Variants in KLF8 observed in about 807,000 individuals in gnomAD.
The protein encoded by KLF8 is Krueppel-like factor 8.
In KLF8, 10 loss-of-function variants were observed where a neutral mutation model predicts 18.2. That is an observed-to-expected ratio of 0.55 (90% CI 0.34 to 0.93). The LOEUF is 0.93. KLF8 is among the 40% of genes least tolerant of loss of function. The probability of loss-of-function intolerance (pLI) is 0.02; values close to 1 mark genes in which losing one functional copy is unlikely to be tolerated. For missense variants in KLF8, 264 were observed against 277.9 expected, an observed-to-expected ratio of 0.95 and a Z score of 0.36; for synonymous variants, 109 against 97.3, an observed-to-expected ratio of 1.12 and a Z score of -0.71.
the KLF8 span, among the ~76,000 whole-genome samples, chrX:55,974,539 CTG>C: frequency 8.9e-6 from 1 of 111,800 alleles, no homozygotes; most frequent in African/African-American, 3.2e-5. Flanking sequence ...ATTGAATACA[CTG>C]TGTTTGGTCA....
chrX:56,273,155 G>C (rs1048512712), intron 5 of KLF8, among the ~76,000 whole-genome samples: 3 of 110,942 alleles, frequency 2.7e-5, no homozygotes, highest in Non-Finnish European at 5.7e-5. Context: ...TAATCAGTAC[G>C]AACAATTATT....
rs774619056 is a variant in KLF8 at position 56,235,829 on chromosome X, A to G, written c.7+2488A>G. ...TTTGTGATTATAAATAATGTAAGGA[A>G]AGCATTGAACTCAGTGCCTGATATC... On this transcript the variant is annotated intron_variant, in intron 1 of 5. Coordinates refer to ENST00000468660, the MANE Select transcript of KLF8 (RefSeq NM_007250.5). 2.4e-3 allele frequency among the ~76,000 whole-genome samples: 275 copies of G among 112,277 alleles called. 1 individual carries two copies. The highest frequency in any genetic ancestry group is 3.5e-3 in the Non-Finnish European group (187 of 53,266).
the KLF8 span, among the ~76,000 whole-genome samples, chrX:56,140,761 G>T: frequency 4.3e-5 from 3 of 69,125 alleles, no homozygotes; most frequent in Non-Finnish European, 8.6e-5. Context: ...TAAAATAAAA[G>T]GTGGAAAGAA....
chrX:56,150,668 C>A, the KLF8 span, among the ~76,000 whole-genome samples: 1 of 110,588 alleles, frequency 9.0e-6, no homozygotes, highest in South Asian at 3.8e-4. Context: ...CATTACACAA[C>A]CTCCTGGCTG....
chrX:56,079,554 A>C, the KLF8 span, among the ~76,000 whole-genome samples: 1 of 111,252 alleles, frequency 9.0e-6, no homozygotes. Context: ...GGAGAGCTTT[A>C]CTTCCCAGTA....
the KLF8 span, among the ~76,000 whole-genome samples, chrX:55,923,337 G>A: frequency 9.3e-6 from 1 of 107,712 alleles, no homozygotes; most frequent in Non-Finnish European, 1.9e-5. Context: ...GCTGTCAGAA[G>A]GTGAGGGGTG....
the KLF8 span, among the ~76,000 whole-genome samples, chrX:56,136,667 G>A: frequency 9.0e-6 from 1 of 111,269 alleles, no homozygotes; most frequent in African/African-American, 3.3e-5. Context: ...GAAAACCTAG[G>A]CATTACCATA....
chrX:56,235,156 G>A (rs1295240393), intron 1 of KLF8, among the ~76,000 whole-genome samples: 1 of 110,481 alleles, frequency 9.1e-6, no homozygotes, highest in Non-Finnish European at 1.9e-5. Context: ...GTAGCAAACA[G>A]AGCCTAGTCA....
At chrX:56,023,528 GT>G in the KLF8 span, among the ~76,000 whole-genome samples, 2 of 111,666 alleles carry the variant, frequency 1.8e-5, no homozygotes, top group Non-Finnish European at 3.8e-5. Flanking sequence ...GTTCCTAGAT[GT>G]AAATAAGGGC....
At chrX:55,996,174 G>A in the KLF8 span, among the ~76,000 whole-genome samples, 7 of 111,821 alleles carry the variant, frequency 6.3e-5, 1 homozygote, top group African/African-American at 2.3e-4. Context: ...ACTTCTGATT[G>A]TATTATGAAA....
the KLF8 span, among the ~76,000 whole-genome samples, chrX:56,055,784 TTGTCTGGC>T: frequency 4.0e-4 from 45 of 111,923 alleles, no homozygotes; most frequent in African/African-American, 1.4e-3. Context: ...TTCTCTCTTC[TTGTCTGGC>T]TGTCTTGTTT....
At chrX:56,070,768 T>C in the KLF8 span, among the ~76,000 whole-genome samples, 5 of 112,661 alleles carry the variant, frequency 4.4e-5, no homozygotes, top group East Asian at 8.3e-4. Flanking sequence ...CACATGTATC[T>C]TGGAACTATA....
the KLF8 span, among the ~76,000 whole-genome samples, chrX:55,974,110 C>T: frequency 9.9e-5 from 11 of 111,106 alleles, no homozygotes; most frequent in African/African-American, 3.3e-5. Flanking sequence ...TATTCTCTTT[C>T]GTAAGTGGGA....
chrX:56,094,369 C>T, the KLF8 span, among the ~76,000 whole-genome samples: 1 of 111,104 alleles, frequency 9.0e-6, no homozygotes, highest in South Asian at 3.7e-4. Context: ...GTTATCAAGA[C>T]ATGCATTATA....
the KLF8 span, among the ~76,000 whole-genome samples, chrX:56,199,794 C>T: frequency 9.9e-5 from 11 of 111,262 alleles, no homozygotes; most frequent in East Asian, 8.4e-4. Flanking sequence ...ATGTTTATTG[C>T]GGCACTATTC....
chrX:56,037,034 C>T, the KLF8 span, among the ~76,000 whole-genome samples: 1 of 107,081 alleles, frequency 9.3e-6, no homozygotes, highest in Non-Finnish European at 2.0e-5. Context: ...ACTGATTTAT[C>T]AATTCAAATG....
At chrX:55,949,078 G>T in the KLF8 span, among the ~76,000 whole-genome samples, 1 of 111,940 alleles carries the variant, frequency 8.9e-6, no homozygotes, top group Non-Finnish European at 1.9e-5. Context: ...ATGTCTTTTA[G>T]TCAGGCTAGA....
chrX:56,196,522 G>A, the KLF8 span, among the ~76,000 whole-genome samples: 1 of 112,031 alleles, frequency 8.9e-6, no homozygotes, highest in Admixed American at 9.4e-5. Flanking sequence ...AATGGTAAAG[G>A]AATCAATTGA....
chrX:56,265,851 C>T, intron 3 of KLF8, 107 bp downstream of exon 3: 7 of 1,085,525 alleles, frequency 6.4e-6, no homozygotes, highest in Non-Finnish European at 8.4e-6. Context: ...TTGCACACTG[C>T]TTCAAGAGTA....
Sources: allele counts gnomAD v4.1 joint callset (sites outside exome capture counted in the v4.1 genomes callset), GRCh38; gene constraint gnomAD v4.1.1; transcripts MANE v1.5; gene names NCBI Gene and HGNC (gene_info 2026-07-23, HGNC 2026-07-21).